Variants in SCHIP1 observed in about 807,000 individuals in gnomAD.
The protein encoded by SCHIP1 is schwannomin interacting protein 1.
In SCHIP1, 8 loss-of-function variants were observed where a neutral mutation model predicts 29.7. The observed-to-expected ratio is 0.27, with a 90% CI of 0.16 to 0.49. The LOEUF (loss-of-function observed/expected upper bound fraction) is 0.49, where lower values mean the gene tolerates loss of function less well. SCHIP1 is among the 20% of genes least tolerant of loss of function. The pLI is 0.99. For synonymous variants in SCHIP1, 76 were observed against 94.9 expected, an observed-to-expected ratio of 0.80 and a Z score of 1.16; for missense variants, 193 against 294.6, an observed-to-expected ratio of 0.66 and a Z score of 2.52.
the SCHIP1 span, among the ~76,000 whole-genome samples, chr3:159,608,261 A>G: frequency 1.3e-5 from 2 of 152,220 alleles, no homozygotes; most frequent in Admixed American, 1.3e-4. Context: ...TCACAGATTG[A>G]GAGGTTCATG....
At chr3:159,874,278 A>G (rs1016038947) in intron 2 of SCHIP1, among the ~76,000 whole-genome samples, 1 of 152,184 alleles carries the variant, frequency 6.6e-6, no homozygotes, top group Non-Finnish European at 1.5e-5. Flanking sequence ...AGGCTATACC[A>G]TTTTCTCCAA....
the SCHIP1 span, among the ~76,000 whole-genome samples, chr3:159,586,694 A>T: frequency 6.6e-6 from 1 of 152,106 alleles, no homozygotes; most frequent in Non-Finnish European, 1.5e-5. Context: ...TTGGCTAGAA[A>T]AAGGAAAGAT....
the SCHIP1 span, among the ~76,000 whole-genome samples, chr3:159,538,031 G>A: frequency 6.6e-6 from 1 of 152,138 alleles, no homozygotes; most frequent in Non-Finnish European, 1.5e-5. Context: ...TGGATCAAAG[G>A]AGATTAGCCA....
the SCHIP1 span, among the ~76,000 whole-genome samples, chr3:159,297,215 G>A: frequency 2.7e-5 from 4 of 150,608 alleles, no homozygotes; most frequent in East Asian, 7.9e-4. Context: ...GGACTCTTAG[G>A]TACTTCCATA....
At chr3:159,807,587 C>T in the SCHIP1 span, among the ~76,000 whole-genome samples, 1 of 152,058 alleles carries the variant, frequency 6.6e-6, no homozygotes, top group African/African-American at 2.4e-5. Flanking sequence ...ACCTCTGCCC[C>T]ACATCATAAT....
At chr3:159,493,612 G>A in the SCHIP1 span, among the ~76,000 whole-genome samples, 2 of 151,172 alleles carry the variant, frequency 1.3e-5, no homozygotes, top group South Asian at 2.1e-4. Context: ...CAAGTCCTTA[G>A]TGACCTACAA....
chr3:159,277,135 T>C, the SCHIP1 span, among the ~76,000 whole-genome samples: 1 of 152,134 alleles, frequency 6.6e-6, no homozygotes, highest in Non-Finnish European at 1.5e-5. Context: ...CTGACTCCTG[T>C]GCACCACAAT....
At chr3:159,828,442 T>TGTATATATAC in the SCHIP1 span, among the ~76,000 whole-genome samples, 2 of 57,514 alleles carry the variant, frequency 3.5e-5, no homozygotes. Context: ...TATATATACG[T>TGTATATATAC]ATATATATAC....
the SCHIP1 span, among the ~76,000 whole-genome samples, chr3:159,321,257 G>A: frequency 2.6e-5 from 4 of 152,194 alleles, no homozygotes; most frequent in African/African-American, 7.2e-5. Context: ...GAGACACCAT[G>A]CCTGGACTTG....
chr3:159,655,779 C>T, the SCHIP1 span, among the ~76,000 whole-genome samples: 1 of 152,144 alleles, frequency 6.6e-6, no homozygotes. Context: ...ATCCCAGCTA[C>T]TCAGGAGGCT....
chr3:159,744,460 A>G, the SCHIP1 span, among the ~76,000 whole-genome samples: 1 of 152,228 alleles, frequency 6.6e-6, no homozygotes, highest in Admixed American at 6.5e-5. Context: ...GCTGACTAGA[A>G]AAAATTCTGT....
chr3:159,379,227 G>GTT, the SCHIP1 span, among the ~76,000 whole-genome samples: 45 of 143,722 alleles, frequency 3.1e-4, 1 homozygote, highest in African/African-American at 8.1e-4. Context: ...TTTGGTTTTT[G>GTT]TTTTTTTTTT....
At chr3:159,294,545 T>C in the SCHIP1 span, among the ~76,000 whole-genome samples, 1 of 152,222 alleles carries the variant, frequency 6.6e-6, no homozygotes, top group Admixed American at 6.5e-5. Context: ...CACACCATGA[T>C]TTGTAATTTT....
chr3:159,639,686 G>A, the SCHIP1 span, among the ~76,000 whole-genome samples: 2 of 152,124 alleles, frequency 1.3e-5, no homozygotes, highest in East Asian at 1.9e-4. Context: ...TCTATGGTTT[G>A]TAACAATCTA....
At chr3:159,481,156 C>T in the SCHIP1 span, among the ~76,000 whole-genome samples, 3 of 152,116 alleles carry the variant, frequency 2.0e-5, no homozygotes, top group Non-Finnish European at 4.4e-5. Context: ...GCCTCAGAGG[C>T]CTGACACTGG....
At chr3:159,371,531 A>G in the SCHIP1 span, among the ~76,000 whole-genome samples, 1 of 152,208 alleles carries the variant, frequency 6.6e-6, no homozygotes, top group Non-Finnish European at 1.5e-5. Context: ...CATTCCCTAC[A>G]TCACAGTGTT....
At chr3:159,547,057 A>G in the SCHIP1 span, among the ~76,000 whole-genome samples, 1 of 152,022 alleles carries the variant, frequency 6.6e-6, no homozygotes, top group Admixed American at 6.6e-5. Flanking sequence ...AAGCACTCCT[A>G]TTTCTCCACA....
At chr3:159,777,618 A>T in the SCHIP1 span, among the ~76,000 whole-genome samples, 4 of 152,160 alleles carry the variant, frequency 2.6e-5, no homozygotes, top group Admixed American at 2.6e-4. Flanking sequence ...ATTTATTAAT[A>T]ATAAAAAGGG....
At chr3:159,523,146 A>G in the SCHIP1 span, among the ~76,000 whole-genome samples, 1 of 152,200 alleles carries the variant, frequency 6.6e-6, no homozygotes, top group Admixed American at 6.5e-5. Context: ...TACATGTTAC[A>G]GAATGTATCC....
Sources: gnomAD v4.1 joint callset for allele counts (sites outside exome capture counted in the v4.1 genomes callset) on GRCh38, gnomAD v4.1.1 for gene constraint, MANE v1.5 for transcripts, NCBI Gene and HGNC (gene_info 2026-07-23, HGNC 2026-07-21) for gene names.